GALNT13: variants seen among roughly 807,000 people sequenced by gnomAD.
GALNT13 encodes UDP-GalNAc:polypeptide N-acetylgalactosaminyltransferase 13.
A neutral mutation model predicts 64.2 loss-of-function variants in GALNT13; 28 were observed. The observed-to-expected ratio is 0.44, with a 90% confidence interval of 0.32 to 0.60. The LOEUF (loss-of-function observed/expected upper bound fraction) is 0.60. Among genes scored for constraint, GALNT13 ranks in the 20% least tolerant of loss-of-function variants. GALNT13 has a pLI of 0.05. For missense variants in GALNT13, 577 were observed against 669.8 expected (o/e 0.86, Z 1.53); for synonymous variants, 214 against 224.6 (o/e 0.95, Z 0.42).
chr2:153,906,739 A>G (rs1688591019), intron 2 of GALNT13, among the ~76,000 whole-genome samples: 1 of 151,870 alleles, frequency 6.6e-6, no homozygotes, highest in Non-Finnish European at 1.5e-5. Flanking sequence ...AGCATGATTT[A>G]TAATCCTTTG....
At chr2:154,165,960 T>C (rs1684998974) in intron 4 of GALNT13, among the ~76,000 whole-genome samples, 1 of 152,210 alleles carries the variant, frequency 6.6e-6, no homozygotes, top group Non-Finnish European at 1.5e-5. Flanking sequence ...CACAAGGTGT[T>C]TATTATTTAA....
intron 9 of GALNT13, among the ~76,000 whole-genome samples, chr2:154,355,021 A>G (rs548753840): frequency 6.6e-6 from 1 of 152,220 alleles, no homozygotes; most frequent in African/African-American, 2.4e-5. Flanking sequence ...GAATTGAATC[A>G]TAATCCATTT....
At chr2:153,519,813 A>AT in the GALNT13 span, among the ~76,000 whole-genome samples, 1 of 152,146 alleles carries the variant, frequency 6.6e-6, no homozygotes, top group African/African-American at 2.4e-5. Context: ...AATCCATTAC[A>AT]TTTTATTCCT....
At chr2:154,081,127 G>A (rs891134976) in intron 3 of GALNT13, among the ~76,000 whole-genome samples, 2 of 151,336 alleles carry the variant, frequency 1.3e-5, no homozygotes. Flanking sequence ...AATGATTTTA[G>A]CATCAACTCC....
At chr2:154,127,998 A>G (rs1682392197) in intron 3 of GALNT13, among the ~76,000 whole-genome samples, 1 of 151,986 alleles carries the variant, frequency 6.6e-6, no homozygotes, top group Non-Finnish European at 1.5e-5. Flanking sequence ...CTATAATGTA[A>G]TCTTTTCTAC....
At chr2:153,470,343 T>C in the GALNT13 span, among the ~76,000 whole-genome samples, 1 of 152,082 alleles carries the variant, frequency 6.6e-6, no homozygotes, top group Admixed American at 6.6e-5. Flanking sequence ...CTCTCTCCTC[T>C]CACCAGAAGG....
intron 3 of GALNT13, among the ~76,000 whole-genome samples, chr2:154,071,076 CTAAT>C (rs1454691257): frequency 1.3e-5 from 2 of 152,068 alleles, no homozygotes; most frequent in African/African-American, 4.8e-5. Flanking sequence ...ACTCCTGGAA[CTAAT>C]CAATCAGGGC....
At chr2:154,323,832 A>G (rs911100741) in intron 9 of GALNT13, among the ~76,000 whole-genome samples, 1 of 152,092 alleles carries the variant, frequency 6.6e-6, no homozygotes, top group Non-Finnish European at 1.5e-5. Context: ...ACATATGTCC[A>G]TAAGAATGGG....
At chr2:153,738,380 A>G in the GALNT13 span, among the ~76,000 whole-genome samples, 1 of 151,972 alleles carries the variant, frequency 6.6e-6, no homozygotes, top group South Asian at 2.1e-4. Context: ...TAATCTCATG[A>G]TTACTTTTAA....
chr2:153,107,285 C>T, the GALNT13 span, among the ~76,000 whole-genome samples: 3 of 152,110 alleles, frequency 2.0e-5, no homozygotes, highest in African/African-American at 7.2e-5. Context: ...TGTAGAGATT[C>T]AATTGTGGTC....
chr2:153,723,545 C>G, the GALNT13 span, among the ~76,000 whole-genome samples: 1 of 150,938 alleles, frequency 6.6e-6, no homozygotes, highest in African/African-American at 2.5e-5. Flanking sequence ...GATTGTTTAT[C>G]TAGAAAACCC....
chr2:153,172,429 G>A, the GALNT13 span, among the ~76,000 whole-genome samples: 1 of 152,158 alleles, frequency 6.6e-6, no homozygotes, highest in Non-Finnish European at 1.5e-5. Context: ...AAGAGACTCT[G>A]TATTAAAGGA....
At chr2:153,404,619 T>C in the GALNT13 span, among the ~76,000 whole-genome samples, 1 of 152,176 alleles carries the variant, frequency 6.6e-6, no homozygotes, top group Non-Finnish European at 1.5e-5. Context: ...TCTCTGATAA[T>C]AAATTTGGAA....
At chr2:154,158,030 T>C (rs1483730959) in intron 4 of GALNT13, among the ~76,000 whole-genome samples, 1 of 152,170 alleles carries the variant, frequency 6.6e-6, no homozygotes, top group Non-Finnish European at 1.5e-5. Context: ...AGCTGGCTGA[T>C]TTTCTGTGGC....
chr2:153,794,914 T>G, the GALNT13 span, among the ~76,000 whole-genome samples: 1 of 152,196 alleles, frequency 6.6e-6, no homozygotes, highest in African/African-American at 2.4e-5. Flanking sequence ...AGAACTGTCA[T>G]TCATATCTGG....
intron 11 of GALNT13, among the ~76,000 whole-genome samples, chr2:154,430,660 G>T (rs1319573427): frequency 6.6e-6 from 1 of 152,148 alleles, no homozygotes; most frequent in Admixed American, 6.6e-5. Context: ...TTTGAAAGAA[G>T]TTCTACCATG....
intron 3 of GALNT13, among the ~76,000 whole-genome samples, chr2:154,086,615 A>G (rs942683025): frequency 1.3e-5 from 2 of 151,912 alleles, no homozygotes; most frequent in Non-Finnish European, 2.9e-5. Context: ...ATTTCTATCC[A>G]TTAGAGGATT....
At chr2:154,303,892 GGATTACA>G (rs1693589081) in intron 9 of GALNT13, among the ~76,000 whole-genome samples, 1 of 151,846 alleles carries the variant, frequency 6.6e-6, no homozygotes, top group African/African-American at 2.4e-5. Flanking sequence ...CCAGTAGCTG[GGATTACA>G]GGCACCCGCC....
chr2:154,345,269 A>G (rs1484441954), intron 9 of GALNT13, among the ~76,000 whole-genome samples: 1 of 152,040 alleles, frequency 6.6e-6, no homozygotes, highest in Non-Finnish European at 1.5e-5. Flanking sequence ...ATGTAGAACA[A>G]AAGACCGATG....
Sources: allele counts gnomAD v4.1 joint callset (sites outside exome capture counted in the v4.1 genomes callset), GRCh38; gene constraint gnomAD v4.1.1; transcripts MANE v1.5; gene names NCBI Gene and HGNC (gene_info 2026-07-23, HGNC 2026-07-21).